MIPOL1: variants seen among roughly 807,000 people sequenced by gnomAD.
MIPOL1 encodes the protein mirror-image polydactyly gene 1 protein.
A neutral mutation model predicts 60.9 loss-of-function variants in MIPOL1; 57 were observed. That is an observed-to-expected ratio of 0.94 (90% CI 0.76 to 1.17). MIPOL1 has a LOEUF of 1.17. MIPOL1 is among the 50% of genes most tolerant of loss of function. MIPOL1 has a pLI of 0.00. For missense variants in MIPOL1, 551 were observed against 511.6 expected (o/e 1.08, Z -0.74); for synonymous variants, 179 against 168.8 (o/e 1.06, Z -0.47).
At chr14:37,359,045 T>G (rs2092045959) in intron 9 of MIPOL1, among the ~76,000 whole-genome samples, 1 of 152,232 alleles carries the variant, frequency 6.6e-6, no homozygotes, top group Non-Finnish European at 1.5e-5. Context: ...TTCAGCTTTC[T>G]ACATATGGCT....
chr14:37,471,771 C>T (rs977286321), intron 11 of MIPOL1, among the ~76,000 whole-genome samples: 3 of 152,166 alleles, frequency 2.0e-5, no homozygotes, highest in African/African-American at 7.2e-5. Flanking sequence ...ACGTGTTCCT[C>T]CCTGTACCTG....
intron 9 of MIPOL1, among the ~76,000 whole-genome samples, chr14:37,338,229 C>T (rs1302605073): frequency 6.6e-6 from 1 of 151,542 alleles, no homozygotes; most frequent in Non-Finnish European, 1.5e-5. Context: ...GCCTCAGCCT[C>T]CTGAGTAGCT....
intron 6 of MIPOL1, among the ~76,000 whole-genome samples, chr14:37,281,000 G>A (rs1217717879): frequency 2.0e-5 from 3 of 152,266 alleles, no homozygotes; most frequent in African/African-American, 7.2e-5. Flanking sequence ...CTGTGCAGAC[G>A]CTTTTTAATT....
At chr14:37,272,768 A>C (rs2083385884) in intron 6 of MIPOL1, among the ~76,000 whole-genome samples, 1 of 151,600 alleles carries the variant, frequency 6.6e-6, no homozygotes, top group African/African-American at 2.4e-5. Context: ...TTGGCAAAAT[A>C]TGTTATAAGC....
intron 6 of MIPOL1, chr14:37,278,641 A>T (rs979404147): frequency 6.6e-6 from 1 of 151,788 alleles, no homozygotes; most frequent in African/African-American, 2.4e-5. Context: ...CATAACTACC[A>T]TAAGATGTTA....
At chr14:37,319,015 AT>A (rs1255293021) in intron 9 of MIPOL1, among the ~76,000 whole-genome samples, 1 of 151,734 alleles carries the variant, frequency 6.6e-6, no homozygotes, top group African/African-American at 2.4e-5. Context: ...ATTTTTTTGT[AT>A]TTTTTGTAGA....
At chr14:37,347,672 C>T (rs371617018) in intron 9 of MIPOL1, among the ~76,000 whole-genome samples, 3 of 152,014 alleles carry the variant, frequency 2.0e-5, no homozygotes, top group African/African-American at 4.8e-5. Flanking sequence ...CTATGGAAGA[C>T]GTTAAAGCAA....
chr14:37,292,435 A>C (rs909485767), intron 7 of MIPOL1, among the ~76,000 whole-genome samples: 2 of 149,866 alleles, frequency 1.3e-5, no homozygotes, highest in African/African-American at 4.9e-5. Flanking sequence ...TTAGCAGAAC[A>C]GAATGGTACA....
At chr14:37,308,017 A>T in intron 7 of MIPOL1, 39 bp from the exon 8 acceptor site, 1 of 1,581,396 alleles carries the variant, frequency 6.3e-7, no homozygotes, top group Non-Finnish European at 8.6e-7. Flanking sequence ...GCACTAAGGA[A>T]ATGCTACTGA....
At chr14:37,342,655 C>G (rs2090656803) in intron 9 of MIPOL1, among the ~76,000 whole-genome samples, 2 of 152,006 alleles carry the variant, frequency 1.3e-5, no homozygotes, top group South Asian at 4.1e-4. Context: ...CTCAGCCTCC[C>G]AAAGTGCAGG....
chr14:37,500,800 A>G (rs1011631821), intron 12 of MIPOL1, among the ~76,000 whole-genome samples: 2 of 152,174 alleles, frequency 1.3e-5, no homozygotes, highest in African/African-American at 4.8e-5. Flanking sequence ...TTTCTGAGAC[A>G]CCTTTAATGT....
At chr14:37,310,199 C>CTTTA (rs1567405430) in intron 9 of MIPOL1, among the ~76,000 whole-genome samples, 1 of 152,068 alleles carries the variant, frequency 6.6e-6, no homozygotes, top group Non-Finnish European at 1.5e-5. Context: ...AAATGAATCT[C>CTTTA]TCTGTTTTGT....
chr14:37,381,460 C>T (rs2092922707), intron 10 of MIPOL1, among the ~76,000 whole-genome samples: 1 of 151,950 alleles, frequency 6.6e-6, no homozygotes, highest in Non-Finnish European at 1.5e-5. Context: ...AAGACAATAC[C>T]TAGCAGAGGT....
rs190613837 is a variant in MIPOL1 at position 37,541,756 on chromosome 14, C to T, written c.1263-5149C>T. 1.4e-4 allele frequency among the ~76,000 whole-genome samples: 21 copies of T among 152,328 alleles called. 1 individual carries two copies. The East Asian group carries it at 3.7e-3, about 27-fold the overall frequency. On this transcript the variant is annotated intron_variant, in intron 12 of 12. Transcript: ENST00000684589. Reference sequence around the variant, plus strand: ...CTACAGAATTATCCACAGATATATTCTTTCTACCTCCGTTCTTTTAGTCTG... The same window carrying T: ...CTACAGAATTATCCACAGATATATTTTTTCTACCTCCGTTCTTTTAGTCTG...
At chr14:37,257,958 A>G (rs1975236662) in intron 3 of MIPOL1, among the ~76,000 whole-genome samples, 1 of 152,124 alleles carries the variant, frequency 6.6e-6, no homozygotes, top group South Asian at 2.1e-4. Context: ...CCAGTTCACA[A>G]CCTGACCTTT....
chr14:37,482,030 A>G (rs1052967830), intron 11 of MIPOL1, among the ~76,000 whole-genome samples: 1 of 152,150 alleles, frequency 6.6e-6, no homozygotes, highest in Non-Finnish European at 1.5e-5. Context: ...GGTTTATTGG[A>G]TCTGACCCCA....
intron 10 of MIPOL1, among the ~76,000 whole-genome samples, chr14:37,416,316 A>G (rs535717524): frequency 2.0e-5 from 3 of 152,306 alleles, no homozygotes; most frequent in East Asian, 1.9e-4. Context: ...GACATTTTGT[A>G]TACAGTCATG....
chr14:37,226,185 A>T (rs1422336565), intron 1 of MIPOL1, among the ~76,000 whole-genome samples: 1 of 151,872 alleles, frequency 6.6e-6, no homozygotes, highest in Non-Finnish European at 1.5e-5. Flanking sequence ...AACTGTTCCA[A>T]CCCCTGAGTA....
intron 9 of MIPOL1, among the ~76,000 whole-genome samples, chr14:37,310,003 T>C (rs2087172288): frequency 6.6e-6 from 1 of 152,036 alleles, no homozygotes; most frequent in Non-Finnish European, 1.5e-5. Context: ...CTTATTTCTA[T>C]CAATCTTACT....
Sources: gnomAD v4.1 joint callset for allele counts (sites outside exome capture counted in the v4.1 genomes callset) on GRCh38, gnomAD v4.1.1 for gene constraint, MANE v1.5 for transcripts, NCBI Gene and HGNC (gene_info 2026-07-23, HGNC 2026-07-21) for gene names.